LCORL: variants seen among roughly 807,000 people sequenced by gnomAD.
The protein encoded by LCORL is ligand dependent nuclear receptor corepressor like, also known as ligand-dependent nuclear receptor corepressor-like protein.
Under a neutral mutation model 141.8 loss-of-function variants are expected in LCORL, and 41 were observed. The ratio of observed to expected loss-of-function variants is 0.29; its 90% confidence interval spans 0.23 to 0.38. The LOEUF (loss-of-function observed/expected upper bound fraction) is 0.38, where lower values mean the gene tolerates loss of function less well. Ranked by LOEUF, LCORL falls within the 10% of genes least tolerant of loss-of-function variation. LCORL has a pLI of 1.00. For synonymous variants in LCORL, 618 were observed against 694.1 expected, an observed-to-expected ratio of 0.89 and a Z score of 1.72; for missense variants, 1,759 against 2,035.0, an observed-to-expected ratio of 0.86 and a Z score of 2.61.
At chr4:17,875,494 G>C (rs1726822539) in exon 7 of LCORL, 12 of 1,231,256 alleles carry the variant, frequency 9.7e-6, no homozygotes, top group Non-Finnish European at 1.2e-5. Flanking sequence ...AAAGACATAA[G>C]GTTGCTTATG....
intron 1 of LCORL, among the ~76,000 whole-genome samples, chr4:17,981,521 C>A (rs1717985833): frequency 6.6e-6 from 1 of 152,062 alleles, no homozygotes; most frequent in African/African-American, 2.4e-5. Context: ...CTTTGGGAGG[C>A]TGAGGTGGGC....
At chr4:17,866,390 G>A (rs1725656028) in intron 7 of LCORL, among the ~76,000 whole-genome samples, 1 of 152,160 alleles carries the variant, frequency 6.6e-6, no homozygotes, top group Non-Finnish European at 1.5e-5. Flanking sequence ...AAATAAACTT[G>A]AACCGTGAGG....
rs1352079275 is a variant in LCORL at position 17,986,712 on chromosome 4, T to A, written c.155-13827A>T. Among the ~76,000 whole-genome samples the A allele has an allele frequency of 2.0e-5, 3 of 152,178 alleles. No homozygotes were observed. The East Asian group carries it at 5.8e-4, about 29-fold the overall frequency. On this transcript the variant is annotated intron_variant, in intron 1 of 7. Coordinates refer to ENST00000635767, the Ensembl canonical transcript of LCORL. ...GTTTCTGTTGATTGGGTCTTGCTGTTCTCCCGAATCTCAATGATCTTTTTT... is the reference window on the plus strand; with the variant it reads ...GTTTCTGTTGATTGGGTCTTGCTGTACTCCCGAATCTCAATGATCTTTTTT...
intron 7 of LCORL, among the ~76,000 whole-genome samples, chr4:17,869,591 T>C (rs1471490366): frequency 3.9e-5 from 6 of 152,166 alleles, no homozygotes; most frequent in Non-Finnish European, 5.9e-5. Context: ...GTATACATCC[T>C]TCCTTTTTCC....
At chr4:17,879,423 C>G (rs1727277053) in intron 6 of LCORL, among the ~76,000 whole-genome samples, 2 of 150,890 alleles carry the variant, frequency 1.3e-5, no homozygotes, top group Non-Finnish European at 3.0e-5. Context: ...TCCACTAAAA[C>G]TAGTGATCTG....
chr4:17,844,674 G>A (rs984887426), exon 8 of LCORL: 1 of 152,378 alleles, frequency 6.6e-6, no homozygotes, highest in African/African-American at 2.4e-5. Context: ...AAGACAATTT[G>A]CAGGGGGTTG....
chr4:17,865,306 T>C (rs910512562), intron 7 of LCORL, among the ~76,000 whole-genome samples: 3 of 152,174 alleles, frequency 2.0e-5, no homozygotes, highest in Non-Finnish European at 4.4e-5. Flanking sequence ...TATATTAGAA[T>C]TAAATTAGAA....
chr4:17,898,773 T>C (rs1730395631), intron 5 of LCORL, among the ~76,000 whole-genome samples: 1 of 151,858 alleles, frequency 6.6e-6, no homozygotes, highest in African/African-American at 2.4e-5. Flanking sequence ...ACAATTAATG[T>C]CCCAGTGAAT....
chr4:18,008,133 T>C (rs1234061960), intron 1 of LCORL, among the ~76,000 whole-genome samples: 1 of 152,180 alleles, frequency 6.6e-6, no homozygotes. Flanking sequence ...TCATCATTCT[T>C]AGAATTAGGA....
In LCORL at chr4:17,997,000, T is replaced by C. The variant is rs371312512; in HGVS notation, c.155-24115A>G. Among the ~76,000 whole-genome samples the C allele has an allele frequency of 3.3e-5, 5 of 152,178 alleles. No individual in the cohort carries two copies. In the East Asian group the frequency reaches 5.8e-4, roughly 18 times the overall value. On this transcript the variant is annotated intron_variant, in intron 1 of 7. Coordinates refer to ENST00000635767, the Ensembl canonical transcript of LCORL. ...TCCGTAAGTAAATTATATGCACTTATAAGAAACAACTAACCCATGACGCTG... is the reference window on the plus strand; with the variant it reads ...TCCGTAAGTAAATTATATGCACTTACAAGAAACAACTAACCCATGACGCTG...
chr4:18,006,767 T>C (rs1722884446), intron 1 of LCORL, among the ~76,000 whole-genome samples: 1 of 152,114 alleles, frequency 6.6e-6, no homozygotes, highest in South Asian at 2.1e-4. Flanking sequence ...TCCCACCAGT[T>C]TCCTCCCATG....
At chr4:17,901,005 G>A (rs1448624811) in intron 5 of LCORL, among the ~76,000 whole-genome samples, 6 of 151,982 alleles carry the variant, frequency 3.9e-5, no homozygotes, top group Non-Finnish European at 8.8e-5. Context: ...TGCCTTGGTT[G>A]GATTGTGACC....
At chr4:17,862,642 A>G (rs558799600) in intron 7 of LCORL, among the ~76,000 whole-genome samples, 52 of 152,348 alleles carry the variant, frequency 3.4e-4, no homozygotes, top group African/African-American at 1.1e-3. Flanking sequence ...CCTATTCAGT[A>G]TATGGTGCTG....
chr4:17,897,213 CTTTTTTTTTTTTTTTTTTTT>C lies in LCORL; in HGVS notation c.683-11072_683-11053del, dbSNP rs761784734. ...AGACTTCTCTTTGATATACTGATTT[CTTTTTTTTTTTTTTTTTTTT>C]TTTTTTTTTTTTTTTTTTAGGGTAT... On this transcript the variant is annotated intron_variant, in intron 5 of 7. Coordinates refer to ENST00000635767, the Ensembl canonical transcript of LCORL. 9.8e-3 allele frequency among the ~76,000 whole-genome samples: 628 copies of C among 63,992 alleles called. 21 individuals are homozygous for C. The highest frequency in any genetic ancestry group is 0.014 in the Non-Finnish European group (481 of 34,546). The allele number at this position is 63,992 out of a possible 152,430, so 42.0% of individuals were successfully genotyped here. A position where few individuals can be genotyped will look rare whatever the true frequency, so the allele number is the denominator to read the frequency against.
chr4:17,944,797 A>T (rs191147311), intron 4 of LCORL, among the ~76,000 whole-genome samples: 3 of 152,332 alleles, frequency 2.0e-5, no homozygotes, highest in Admixed American at 2.0e-4. Flanking sequence ...CACTTGTCTT[A>T]GTCTATTTGG....
At chr4:17,907,244 T>G (rs1034054334) in intron 5 of LCORL, among the ~76,000 whole-genome samples, 1 of 152,202 alleles carries the variant, frequency 6.6e-6, no homozygotes, top group Non-Finnish European at 1.5e-5. Flanking sequence ...TAAGGCTTCT[T>G]CTGTGGTGAT....
chr4:17,933,490 T>C (rs1736379402), intron 4 of LCORL, among the ~76,000 whole-genome samples: 1 of 152,112 alleles, frequency 6.6e-6, no homozygotes, highest in Non-Finnish European at 1.5e-5. Flanking sequence ...TCTAAGCAGA[T>C]TTTTTTCTAA....
chr4:17,896,476 G>A (rs1002229001), intron 5 of LCORL, among the ~76,000 whole-genome samples: 1 of 152,122 alleles, frequency 6.6e-6, no homozygotes, highest in African/African-American at 2.4e-5. Context: ...TAGAGACAGG[G>A]TTTCACTGTT....
intron 4 of LCORL, among the ~76,000 whole-genome samples, chr4:17,924,095 A>G (rs1197884860): frequency 6.6e-6 from 1 of 152,066 alleles, no homozygotes; most frequent in Non-Finnish European, 1.5e-5. Flanking sequence ...ATGGACTTGG[A>G]AGAATCATGA....
Sources: allele counts gnomAD v4.1 joint callset (sites outside exome capture counted in the v4.1 genomes callset), GRCh38; gene constraint gnomAD v4.1.1; transcripts MANE v1.5; gene names NCBI Gene and HGNC (gene_info 2026-07-23, HGNC 2026-07-21).